Variants in CYP4V2 observed in about 807,000 individuals in gnomAD.
CYP4V2 encodes the protein cytochrome P450 family 4 subfamily V member 2, also known as cytochrome P450 4V2.
Under a neutral mutation model 60.8 loss-of-function variants are expected in CYP4V2, and 55 were observed. The ratio of observed to expected loss-of-function variants is 0.90; its 90% CI spans 0.73 to 1.13. The LOEUF (loss-of-function observed/expected upper bound fraction) is 1.13. Ranked by LOEUF, CYP4V2 falls within the 50% of genes most tolerant of loss-of-function variation. CYP4V2 has a pLI of 0.00. For missense variants in CYP4V2, 675 were observed against 662.9 expected (o/e 1.02, Z -0.20); for synonymous variants, 239 against 236.8 (o/e 1.01, Z -0.08).
At chr4:186,200,147 C>A (rs1473469582) in intron 6 of CYP4V2, among the ~76,000 whole-genome samples, 1 of 152,006 alleles carries the variant, frequency 6.6e-6, no homozygotes, top group Non-Finnish European at 1.5e-5. Flanking sequence ...CAATTTTATT[C>A]ATTGAATAAA....
At chr4:186,200,989 A>C (rs1349375924) in intron 6 of CYP4V2, among the ~76,000 whole-genome samples, 168 bp from the exon 7 acceptor site, 1 of 152,186 alleles carries the variant, frequency 6.6e-6, no homozygotes, top group Non-Finnish European at 1.5e-5. Flanking sequence ...AATCCCCAAA[A>C]TATTAATGAG....
Position 186,198,958 on chromosome 4 carries a change from A to C in CYP4V2, c.676A>C (p.Met226Leu). 1 of 1,614,042 alleles carries C rather than the reference A, an allele frequency of 6.2e-7. No individual in the cohort carries two copies. The highest frequency in any genetic ancestry group is 8.5e-7 in the Non-Finnish European group (1 of 1,179,974). ...GATGTATTTTTATCCCATTTATAGAATGAGTGAGATGATATTTCGAAGAAT... is the reference window on the plus strand; with the variant it reads ...GATGTATTTTTATCCCATTTATAGACTGAGTGAGATGATATTTCGAAGAAT... Reference protein sequence around the residue: ...DSEYVRAVYRMSEMIFRRIKM... With the variant: ...DSEYVRAVYRLSEMIFRRIKM... The change falls in exon 6 of 11, where the codon ATG becomes CTG. Residue 226 changes from methionine to leucine, a missense_variant and splice_region_variant. Coordinates refer to ENST00000378802, the MANE Select transcript of CYP4V2 (RefSeq NM_207352.4).
At position 186,191,931 on chromosome 4, in the gene CYP4V2, G is replaced by A. The variant is rs1735997154; in HGVS notation, c.108G>A (p.Arg36=). The stretch of plus-strand genomic sequence containing the variant: ...GTCTGGTCCTGAGCCTGCTGCAGAG[G>A]GTGGCGAGCTACGCGCGGAAATGGC... ...GASLVLSLLQ[R]VASYARKWQQ... The change falls in exon 1 of 11, where the codon AGG becomes AGA. Residue 36 remains arginine, a synonymous_variant. Coordinates refer to ENST00000378802, the MANE Select transcript of CYP4V2 (RefSeq NM_207352.4). The A allele has an allele frequency of 2.5e-6, 4 of 1,593,318 alleles. No individual in the cohort carries two copies. The highest frequency in any genetic ancestry group is 2.3e-5 in the South Asian group (2 of 88,438).
At chr4:186,201,079 T>C in intron 6 of CYP4V2, 78 bp from the exon 7 acceptor site, 3 of 1,388,938 alleles carry the variant, frequency 2.2e-6, no homozygotes. Flanking sequence ...GAAACTAGCA[T>C]ATTTTATAAG....
intron 5 of CYP4V2, 117 bp from the exon 6 acceptor site, chr4:186,198,840 T>G: frequency 6.7e-7 from 1 of 1,486,822 alleles, no homozygotes; most frequent in Non-Finnish European, 9.3e-7. Context: ...CTTAGTAGCC[T>G]CTAAGACAAT....
chr4:186,201,644 A>C, intron 7 of CYP4V2: 1 of 295,330 alleles, frequency 3.4e-6, no homozygotes, highest in Non-Finnish European at 6.5e-6. Flanking sequence ...TCAGTTCTCC[A>C]TGTGGCTTCA....
intron 8 of CYP4V2, among the ~76,000 whole-genome samples, chr4:186,207,787 C>T (rs1736569387): frequency 6.6e-6 from 1 of 152,036 alleles, no homozygotes; most frequent in Non-Finnish European, 1.5e-5. Context: ...ATTAAGCAGT[C>T]CCTCTTGATT....
Position 186,195,950 on chromosome 4 carries a change from G to T in CYP4V2, c.328-53G>T. On this transcript the variant is annotated intron_variant, in intron 2 of 10. Coordinates refer to ENST00000378802, the MANE Select transcript of CYP4V2 (RefSeq NM_207352.4). The surrounding 1 kb of genome is among the most constrained non-coding windows in gnomAD (Gnocchi z 4.1). The stretch of plus-strand genomic sequence containing the variant: ...TCTAGCCAGTATTCCTATAATTACA[G>T]GAAGGTTGTTTGATGTCTGTATGTC... 1.6e-6 allele frequency: 2 copies of T among 1,285,440 alleles called. No homozygotes were observed. 79.6% of individuals were successfully genotyped at this position (1,285,440 alleles called of 1,614,324 possible). A position where few individuals can be genotyped will look rare whatever the true frequency, so the allele number is the denominator to read the frequency against.
Position 186,197,566 on chromosome 4 carries a change from GTAA to G in CYP4V2, c.640_642del (p.Asn214del). The G allele has an allele frequency of 6.2e-7, 1 of 1,614,166 alleles. No individual in the cohort carries two copies. Among genetic ancestry groups the G allele is most frequent in the Non-Finnish European group, 8.5e-7 (1 of 1,180,026 alleles). ...ATGGGGAAGAATATTGGTGCTCAAA[GTAA>G]TGATGATTCCGAGTATGTCCGTGCA... On this transcript the variant is annotated inframe_deletion, in exon 5 of 11. Transcript: ENST00000378802.
At position 186,208,933 on chromosome 4, in the gene CYP4V2, G is replaced by C. The variant is rs760624357; in HGVS notation, c.1159G>C (p.Glu387Gln). The change falls in exon 9 of 11, where the codon GAG becomes CAG. Residue 387 changes from glutamate (E) to glutamine (Q), a missense_variant. By Grantham distance (29) the Glu-to-Gln change is conservative (BLOSUM62 2). Transcript: ENST00000378802. ...TCGGTATCTGGAATGTGTTATTAAG[G>C]AGACCCTTCGCCTTTTTCCTTCTGT... ...KLRYLECVIKETLRLFPSVPL... is the reference protein window; with the variant it reads ...KLRYLECVIKQTLRLFPSVPL... The C allele has an allele frequency of 4.3e-6, 7 of 1,614,220 alleles. No homozygotes were observed. Among genetic ancestry groups the C allele is most frequent in the Non-Finnish European group, 5.9e-6 (7 of 1,180,048 alleles).
In CYP4V2 at chr4:186,191,622, G is replaced by C. The variant is rs539913844; in HGVS notation, c.-202G>C. ...GCCGCGGTGCTGCGTAGGCCGGGCC[G>C]GGCGCAGGAACAGCCCCGTGGCGCC... On this transcript the variant is annotated 5_prime_UTR_variant, in exon 1 of 11. Transcript: ENST00000378802. The C allele has an allele frequency of 5.4e-6, 2 of 369,562 alleles. No homozygotes were observed. Among genetic ancestry groups the C allele is most frequent in the Non-Finnish European group, 9.2e-6 (2 of 217,514 alleles). The allele number at this position is 369,562 out of a possible 1,614,324, so 22.9% of individuals were successfully genotyped here.
At chr4:186,206,338 C>CT (rs1298355700) in intron 8 of CYP4V2, among the ~76,000 whole-genome samples, 4 of 152,170 alleles carry the variant, frequency 2.6e-5, no homozygotes, top group African/African-American at 7.2e-5. Context: ...TTAATCAAAT[C>CT]TGCCAAGAGT....
chr4:186,196,100 T>C lies in CYP4V2; in HGVS notation c.413+12T>C. 1.2e-6 allele frequency: 2 copies of C among 1,604,908 alleles called. No individual in the cohort carries two copies. The highest frequency in any genetic ancestry group is 1.7e-6 in the Non-Finnish European group (2 of 1,171,628). ...GGACTTCTTACAAGGTATGCCAGTG[T>C]ACCTTTGTAAAGCTGTCTATAGAAA... is the stretch of plus-strand genomic sequence containing the variant. On this transcript the variant is annotated intron_variant, in intron 3 of 10. Transcript: ENST00000378802.
rs139878596 is a variant in CYP4V2 at position 186,195,960 on chromosome 4, T to C, written c.328-43T>C. ...ATTCCTATAATTACAGGAAGGTTGT[T>C]TGATGTCTGTATGTCTCTAAAGTAT... On this transcript the variant is annotated intron_variant, in intron 2 of 10. Transcript: ENST00000378802. The surrounding 1 kb of genome is among the most constrained non-coding windows in gnomAD (Gnocchi z 4.1). 6.9e-4 allele frequency: 970 copies of C among 1,413,126 alleles called. 5 individuals carry two copies. In the African/African-American group the frequency reaches 0.013, roughly 19 times the overall value. 87.5% of individuals were successfully genotyped at this position (1,413,126 alleles called of 1,614,324 possible). A position where few individuals can be genotyped will look rare whatever the true frequency, so the allele number is the denominator to read the frequency against.
chr4:186,191,717 C>T lies in CYP4V2; in HGVS notation c.-107C>T. ...GGCGACCCCGCAGCGGGGAGCGCGCCAGGTCCGCGCGGGGAAGTGGGCGGT... is the reference window on the plus strand; with the variant it reads ...GGCGACCCCGCAGCGGGGAGCGCGCTAGGTCCGCGCGGGGAAGTGGGCGGT... On this transcript the variant is annotated 5_prime_UTR_variant, in exon 1 of 11. Coordinates refer to ENST00000378802, the MANE Select transcript of CYP4V2 (RefSeq NM_207352.4). 1 of 1,101,974 alleles carries T rather than the reference C, an allele frequency of 9.1e-7. No homozygotes were observed. The highest frequency in any genetic ancestry group is 1.2e-6 in the Non-Finnish European group (1 of 860,386). The allele number at this position is 1,101,974 out of a possible 1,614,324, so 68.3% of individuals were successfully genotyped here.
At chr4:186,200,770 C>A (rs1736281946) in intron 6 of CYP4V2, among the ~76,000 whole-genome samples, 1 of 151,996 alleles carries the variant, frequency 6.6e-6, no homozygotes. Flanking sequence ...TTCTCCTCTA[C>A]AACATGTAAT....
intron 5 of CYP4V2, 41 bp downstream of exon 5, chr4:186,197,643 A>T: frequency 6.3e-7 from 1 of 1,595,892 alleles, no homozygotes. Flanking sequence ...ATTATTATTG[A>T]TTTAGGCTTT....
At chr4:186,206,068 A>G (rs1736490650) in intron 8 of CYP4V2, among the ~76,000 whole-genome samples, 1 of 152,142 alleles carries the variant, frequency 6.6e-6, no homozygotes, top group Non-Finnish European at 1.5e-5. Flanking sequence ...CCACTGGGAA[A>G]ATATCCACTC....
rs1736168213 is a variant in CYP4V2 at position 186,197,009 on chromosome 4, T to C, written c.483T>C (p.Asp161=). ...CTTTCCATTTTACCATTCTGGAAGATTTCTTAGATATCATGAATGAACAAG... is the reference window on the plus strand; with the variant it reads ...CTTTCCATTTTACCATTCTGGAAGACTTCTTAGATATCATGAATGAACAAG... ...TPTFHFTILE[D]FLDIMNEQAN... The change falls in exon 4 of 11, where the codon GAT becomes GAC. Residue 161 remains aspartate (D), a synonymous_variant. Transcript: ENST00000378802. 1 of 1,613,754 alleles carries C rather than the reference T, an allele frequency of 6.2e-7. No homozygotes were observed. Among genetic ancestry groups the C allele is most frequent in the African/African-American group, 1.3e-5 (1 of 74,926 alleles).
Sources: allele counts gnomAD v4.1 joint callset (sites outside exome capture counted in the v4.1 genomes callset), GRCh38; gene constraint gnomAD v4.1.1; non-coding constraint Gnocchi (gnomAD v3.1); transcripts MANE v1.5; gene names NCBI Gene and HGNC (gene_info 2026-07-23, HGNC 2026-07-21).